PDZD9: variants seen among roughly 807,000 people sequenced by gnomAD.
PDZD9 encodes the protein PDZ domain-containing protein 9.
A neutral mutation model predicts 16.3 loss-of-function variants in PDZD9; 13 were observed. The ratio of observed to expected loss-of-function variants is 0.80; its 90% CI spans 0.52 to 1.27. PDZD9 has a LOEUF of 1.27. Among genes scored for constraint, PDZD9 ranks in the 50% most tolerant of loss-of-function variants. The pLI, the probability that PDZD9 is intolerant of heterozygous loss-of-function variation, is 0.00. For missense variants in PDZD9, 288 were observed against 310.9 expected, an observed-to-expected ratio of 0.93 and a Z score of 0.55; for synonymous variants, 120 against 111.0, an observed-to-expected ratio of 1.08 and a Z score of -0.51.
the PDZD9 span, among the ~76,000 whole-genome samples, chr16:21,978,675 G>C: frequency 6.6e-6 from 1 of 152,148 alleles, no homozygotes; most frequent in Non-Finnish European, 1.5e-5. Flanking sequence ...GTATAATTTC[G>C]TACTGACAGC....
At chr16:21,961,946 C>T in the PDZD9 span, among the ~76,000 whole-genome samples, 5 of 152,072 alleles carry the variant, frequency 3.3e-5, no homozygotes, top group South Asian at 2.1e-4. Flanking sequence ...AGCCACTGCG[C>T]CCGGCCCAAA....
chr16:21,995,927 C>G (rs550477957), intron 2 of PDZD9, among the ~76,000 whole-genome samples: 1 of 152,260 alleles, frequency 6.6e-6, no homozygotes, highest in East Asian at 1.9e-4. Context: ...AAGTAGCTGG[C>G]ATTACAGGCA....
At chr16:21,980,464 T>C (rs1898690723), downstream of PDZD9, 4 of 1,450,444 alleles carry the variant, frequency 2.8e-6, no homozygotes, top group Non-Finnish European at 3.7e-6. Context: ...AAAGCTTTGA[T>C]GTTCACAGCC....
chr16:21,989,619 C>T (rs1378838561), intron 2 of PDZD9, among the ~76,000 whole-genome samples: 2 of 152,118 alleles, frequency 1.3e-5, no homozygotes, highest in Non-Finnish European at 2.9e-5. Context: ...ATTAGTTGAG[C>T]AAATAATTCT....
chr16:21,987,582 G>T (rs1393930350), intron 3 of PDZD9, among the ~76,000 whole-genome samples: 1 of 152,196 alleles, frequency 6.6e-6, no homozygotes, highest in African/African-American at 2.4e-5. Flanking sequence ...TGGTGTCACA[G>T]AAGCCTGGGA....
intron 1 of PDZD9, 43 bp downstream of exon 1, chr16:22,000,974 T>G (rs1423522704): frequency 9.8e-6 from 15 of 1,526,968 alleles, no homozygotes; most frequent in Non-Finnish European, 1.3e-5. Context: ...GACGAAGGCT[T>G]GGTCCCCAGG....
intron 2 of PDZD9, among the ~76,000 whole-genome samples, chr16:21,991,357 C>T (rs988167012): frequency 6.6e-6 from 1 of 152,030 alleles, no homozygotes; most frequent in Non-Finnish European, 1.5e-5. Context: ...TGCCTCAGCC[C>T]CTGGAGGAGC....
the PDZD9 span, chr16:21,961,256 C>A: frequency 2.5e-6 from 1 of 397,972 alleles, no homozygotes; most frequent in Admixed American, 2.9e-5. Context: ...TTGAAAAACC[C>A]CACAGTTTTT....
At chr16:21,975,813 G>A in the PDZD9 span, among the ~76,000 whole-genome samples, 12 of 152,212 alleles carry the variant, frequency 7.9e-5, no homozygotes, top group East Asian at 1.2e-3. Flanking sequence ...GTGTTTGGCC[G>A]GGTGTGGTGG....
chr16:21,978,713 C>T, the PDZD9 span, among the ~76,000 whole-genome samples: 3 of 152,266 alleles, frequency 2.0e-5, no homozygotes, highest in South Asian at 6.2e-4. Context: ...AAACGGTTCA[C>T]GTACTTGGTG....
At chr16:21,958,867 A>G in the PDZD9 span, among the ~76,000 whole-genome samples, 2 of 152,212 alleles carry the variant, frequency 1.3e-5, no homozygotes, top group Non-Finnish European at 2.9e-5. Flanking sequence ...TGAAGGGAAT[A>G]TTGCAGCAAA....
the PDZD9 span, among the ~76,000 whole-genome samples, chr16:21,965,037 A>G: frequency 6.6e-6 from 1 of 152,102 alleles, no homozygotes; most frequent in Non-Finnish European, 1.5e-5. Flanking sequence ...AGTAAAATTC[A>G]GATTAAATGA....
the PDZD9 span, among the ~76,000 whole-genome samples, chr16:21,961,645 T>TATAC: frequency 1.0e-5 from 1 of 95,248 alleles, no homozygotes; most frequent in Non-Finnish European, 2.0e-5. Context: ...TATATATATA[T>TATAC]ATATATATAT....
At chr16:21,972,212 A>G in the PDZD9 span, 2 of 1,446,206 alleles carry the variant, frequency 1.4e-6, no homozygotes, top group East Asian at 2.5e-5. Context: ...AAAATGTAAG[A>G]CAAACACACA....
downstream of PDZD9, chr16:21,983,064 T>C: frequency 6.2e-7 from 1 of 1,606,058 alleles, no homozygotes; most frequent in Non-Finnish European, 8.5e-7. Context: ...TTGTTAATTT[T>C]GTCTTTTGTT....
chr16:21,995,235 T>C (rs1386471707), intron 2 of PDZD9: 2 of 458,344 alleles, frequency 4.4e-6, no homozygotes, highest in Non-Finnish European at 8.8e-6. Context: ...ATGTAAGACA[T>C]ACCTCCTTCC....
At chr16:21,963,208 T>A in the PDZD9 span, 158 of 182,028 alleles carry the variant, frequency 8.7e-4, no homozygotes, top group Middle Eastern at 2.6e-3. Flanking sequence ...CAGACTGGAG[T>A]TCAGTCTTGA....
intron 1 of PDZD9, among the ~76,000 whole-genome samples, 197 bp from the exon 2 acceptor site, chr16:21,996,698 T>G (rs1899160197): frequency 6.6e-6 from 1 of 152,242 alleles, no homozygotes; most frequent in Admixed American, 6.5e-5. Context: ...AAAGGGCTTT[T>G]GCAGAGTCTG....
chr16:21,991,827 G>C (rs190020404), intron 2 of PDZD9, among the ~76,000 whole-genome samples: 8 of 152,130 alleles, frequency 5.3e-5, no homozygotes, highest in African/African-American at 1.7e-4. Context: ...GAATGATGCC[G>C]AGGAGAACTG....
Sources: gnomAD v4.1 joint callset for allele counts (sites outside exome capture counted in the v4.1 genomes callset) on GRCh38, gnomAD v4.1.1 for gene constraint, MANE v1.5 for transcripts, NCBI Gene and HGNC (gene_info 2026-07-23, HGNC 2026-07-21) for gene names.